The following PDGFA variants were observed in gnomAD, a reference collection of about 807,000 sequenced individuals.
PDGFA encodes the protein platelet derived growth factor subunit A.
PDGFA carries 9 observed loss-of-function variants against 25.6 expected under a neutral mutation model. The ratio of observed to expected loss-of-function variants is 0.35; its 90% CI spans 0.21 to 0.61. The LOEUF is 0.61. Among genes scored for constraint, PDGFA ranks in the 20% least tolerant of loss-of-function variants. PDGFA has a pLI of 0.75. For synonymous variants in PDGFA, 133 were observed against 111.8 expected (o/e 1.19, Z -1.20); for missense variants, 242 against 272.8 (o/e 0.89, Z 0.79).
chr7:514,935 C>T (rs942235014), intron 2 of PDGFA, among the ~76,000 whole-genome samples: 7 of 152,226 alleles, frequency 4.6e-5, no homozygotes, highest in Middle Eastern at 3.4e-3. Context: ...TCCCACTACC[C>T]GTGCTCCTCC....
At chr7:499,293 C>T (rs1166950746) in intron 5 of PDGFA, among the ~76,000 whole-genome samples, 1 of 152,242 alleles carries the variant, frequency 6.6e-6, no homozygotes, top group Admixed American at 6.5e-5. Flanking sequence ...TTCAAAGACC[C>T]GCCCAAGTGG....
rs142148884 is a variant in PDGFA at position 502,271 on chromosome 7, C to T, written c.454-1029G>A. Among the ~76,000 whole-genome samples, 1,351 of 143,942 alleles carry T rather than the reference C, an allele frequency of 9.4e-3. 20 individuals are homozygous for T. Among genetic ancestry groups the T allele is most frequent in the African/African-American group, 0.033 (1,275 of 38,938 alleles). The allele number at this position is 143,942 out of a possible 152,430, so 94.4% of individuals were successfully genotyped here. ...AGCCATGGCCTAGGAATGGGGGGTT[C>T]GTGGCTGTATCCTAGCCCAAGGTTG... is the stretch of plus-strand genomic sequence containing the variant. On this transcript the variant is annotated intron_variant, in intron 4 of 5. Transcript: ENST00000402802.
exon 1 of PDGFA, chr7:518,972 G>A (rs750119065): frequency 7.1e-6 from 11 of 1,541,784 alleles, no homozygotes; most frequent in Non-Finnish European, 9.6e-6. Context: ...ATCCGCAGCC[G>A]AGGAGCAGCA....
intron 4 of PDGFA, among the ~76,000 whole-genome samples, chr7:505,771 G>T (rs576176587): frequency 6.6e-6 from 1 of 152,142 alleles, no homozygotes. Flanking sequence ...CCTCTTTCAC[G>T]GAAAGAAAGC....
Position 505,725 on chromosome 7 carries a change from C to A in PDGFA, c.454-4483G>T, listed in dbSNP as rs149807505. On this transcript the variant is annotated intron_variant, in intron 4 of 5. Coordinates refer to ENST00000402802, the Ensembl canonical transcript of PDGFA. ...AAGCCCCTTGCCCAGAGTCACACAG[C>A]GTTGAATCTCCATCCCTAGCCTGCA... 3.4e-3 allele frequency among the ~76,000 whole-genome samples: 523 copies of A among 152,316 alleles called. 2 individuals carry two copies. The highest frequency in any genetic ancestry group is 0.011 in the African/African-American group (470 of 41,572).
At chr7:518,942 G>T in exon 1 of PDGFA, 2 of 1,525,900 alleles carry the variant, frequency 1.3e-6, no homozygotes, top group South Asian at 1.2e-5. Context: ...CACCAACCTC[G>T]GCCAGAACAT....
Position 517,231 on chromosome 7 carries a change from G to A in PDGFA, c.160+163C>T, listed in dbSNP as rs541328974. Among the ~76,000 whole-genome samples, 8 of 151,622 alleles carry A rather than the reference G, an allele frequency of 5.3e-5. No homozygotes were observed. In the South Asian group the frequency reaches 1.7e-3, roughly 31 times the overall value. On this transcript the variant is annotated intron_variant, in intron 2 of 5. Coordinates refer to ENST00000402802, the Ensembl canonical transcript of PDGFA. This position sits in a 1 kb window ranked among gnomAD's most constrained non-coding sequence, Gnocchi z 7.4. ...GCCGCTGGGAGAGAAAGTGGAGACT[G>A]GAAGAGAAACTCCTGACTCATCCGC...
chr7:513,657 T>C (rs1782965793), intron 2 of PDGFA, among the ~76,000 whole-genome samples: 1 of 152,208 alleles, frequency 6.6e-6, no homozygotes, highest in Non-Finnish European at 1.5e-5. Context: ...AGACGGCTAA[T>C]GGGCTCTGCA....
chr7:517,850 G>C lies in PDGFA; in HGVS notation c.64-360C>G, dbSNP rs1182361330. On this transcript the variant is annotated intron_variant, in intron 1 of 5. Coordinates refer to ENST00000402802, the Ensembl canonical transcript of PDGFA. The surrounding 1 kb of genome is among the most constrained non-coding windows in gnomAD (Gnocchi z 7.4). ...CCGAAAGTTTCTGATTTAATAGTGA[G>C]ATCAACATCTAGAAAGATCAAGTTA... is the stretch of plus-strand genomic sequence containing the variant. Among the ~76,000 whole-genome samples the C allele has an allele frequency of 6.6e-6, 1 of 152,070 alleles. No homozygotes were observed. Among genetic ancestry groups the C allele is most frequent in the Non-Finnish European group, 1.5e-5 (1 of 68,028 alleles).
chr7:497,886 A>AAAAAG, exon 6 of PDGFA: 1 of 142,344 alleles, frequency 7.0e-6, no homozygotes, highest in Non-Finnish European at 1.5e-5. Context: ...AAAAAAAAAA[A>AAAAAG]AAAAAAGCTA....
In PDGFA at chr7:517,336, G is replaced by A; in HGVS notation, c.160+58C>T. On this transcript the variant is annotated intron_variant, in intron 2 of 5. Transcript: ENST00000402802. The surrounding 1 kb of genome is among the most constrained non-coding windows in gnomAD (Gnocchi z 7.4). The stretch of plus-strand genomic sequence containing the variant: ...GCGCCCCGCCCGGCCCCAGCTCGGG[G>A]CGCACAGGCCGCCCGCCCGCGCCCT... 1 of 776,320 alleles carries A rather than the reference G, an allele frequency of 1.3e-6. No homozygotes were observed. The highest frequency in any genetic ancestry group is 1.8e-6 in the Non-Finnish European group (1 of 559,476). 48.1% of individuals were successfully genotyped at this position (776,320 alleles called of 1,614,324 possible).
intron 4 of PDGFA, among the ~76,000 whole-genome samples, chr7:510,392 G>A (rs965295822): frequency 2.6e-5 from 4 of 151,504 alleles, no homozygotes; most frequent in East Asian, 2.0e-4. Flanking sequence ...CAGTAGGGGC[G>A]ACCCTCAGGC....
At chr7:507,812 G>A (rs1480421927) in intron 4 of PDGFA, among the ~76,000 whole-genome samples, 1 of 151,872 alleles carries the variant, frequency 6.6e-6, no homozygotes, top group Admixed American at 6.5e-5. Context: ...TCATGCCAGG[G>A]GGGCTCATGC....
At chr7:501,311 G>A in intron 4 of PDGFA, 69 bp from the exon 5 acceptor site, 1 of 1,595,888 alleles carries the variant, frequency 6.3e-7, no homozygotes, top group East Asian at 2.2e-5. Flanking sequence ...CGTGCTGGGA[G>A]CCGGGGACAG....
At chr7:504,170 A>G (rs995584711) in intron 4 of PDGFA, among the ~76,000 whole-genome samples, 5 of 152,156 alleles carry the variant, frequency 3.3e-5, no homozygotes, top group African/African-American at 1.2e-4. Flanking sequence ...ACTGGCGTGG[A>G]TTCTAATCCA....
chr7:511,499 G>A (rs1374761064), intron 3 of PDGFA, among the ~76,000 whole-genome samples: 1 of 152,192 alleles, frequency 6.6e-6, no homozygotes, highest in Non-Finnish European at 1.5e-5. Flanking sequence ...GGTCTGAAGG[G>A]TGCAAAATGC....
intron 2 of PDGFA, chr7:513,278 C>T (rs1218337980): frequency 6.5e-6 from 1 of 153,014 alleles, no homozygotes. Flanking sequence ...GGGAGCAGAA[C>T]TGAGAACCTA....
Position 517,564 on chromosome 7 carries a change from G to T in PDGFA, c.64-74C>A. 1.9e-6 allele frequency: 1 copy of T among 540,374 alleles called. No individual in the cohort carries two copies. The highest frequency in any genetic ancestry group is 2.4e-6 in the Non-Finnish European group (1 of 413,716). The allele number at this position is 540,374 out of a possible 1,614,324, so 33.5% of individuals were successfully genotyped here. On this transcript the variant is annotated intron_variant, in intron 1 of 5. Transcript: ENST00000402802. This position sits in a 1 kb window ranked among gnomAD's most constrained non-coding sequence, Gnocchi z 7.4. ...GCACGCGCCCCCGGCCGCCAGGAGC[G>T]CCGCCGCCCCGGGCCCGAGGAGACC... is the stretch of plus-strand genomic sequence containing the variant.
chr7:508,125 G>A (rs563330380), intron 4 of PDGFA, among the ~76,000 whole-genome samples: 3 of 152,226 alleles, frequency 2.0e-5, no homozygotes, highest in Admixed American at 6.5e-5. Flanking sequence ...GAAACGACCC[G>A]GCTGGCTGCA....
Sources: allele counts gnomAD v4.1 joint callset (sites outside exome capture counted in the v4.1 genomes callset), GRCh38; gene constraint gnomAD v4.1.1; non-coding constraint Gnocchi (gnomAD v3.1); transcripts MANE v1.5; gene names NCBI Gene and HGNC (gene_info 2026-07-23, HGNC 2026-07-21).